The following LARP4 variants were observed in gnomAD, a reference collection of about 807,000 sequenced individuals.
LARP4 encodes the protein La ribonucleoprotein 4, also known as la-related protein 4.
In LARP4, 29 loss-of-function variants were observed where a neutral mutation model predicts 92.9. The ratio of observed to expected loss-of-function variants is 0.31; its 90% CI spans 0.23 to 0.43. The LOEUF (loss-of-function observed/expected upper bound fraction) is 0.43. LARP4 is among the 20% of genes least tolerant of loss of function. The pLI, the probability that LARP4 is intolerant of heterozygous loss-of-function variation, is 1.00. For synonymous variants in LARP4, 279 were observed against 284.1 expected (o/e 0.98, Z 0.18); for missense variants, 732 against 860.0 (o/e 0.85, Z 1.86).
In LARP4 at chr12:50,474,096, A is replaced by G; in HGVS notation, c.1765A>G (p.Lys589Glu). Residue 589 changes from lysine (K) to glutamate (E), a missense_variant, in exon 15 of 16, where the codon AAG becomes GAG. Lys to Glu is a moderately conservative substitution (Grantham distance 56, BLOSUM62 1). Coordinates refer to ENST00000398473, the MANE Select transcript of LARP4 (RefSeq NM_052879.5). ...TIPVSPPSTT[K>E]PSRASTASPC... ...ACCAGTTTCTCCTCCAAGTACTACAAAGCCATCGAGGGCAAGTACTGCTTC... is the reference window on the plus strand; with the variant it reads ...ACCAGTTTCTCCTCCAAGTACTACAGAGCCATCGAGGGCAAGTACTGCTTC... 6.2e-7 allele frequency: 1 copy of G among 1,613,272 alleles called. No individual in the cohort carries two copies. The highest frequency in any genetic ancestry group is 8.5e-7 in the Non-Finnish European group (1 of 1,179,756).
chr12:50,454,447 T>G (rs1458502444), intron 10 of LARP4, 30 bp downstream of exon 10: 2 of 1,490,900 alleles, frequency 1.3e-6, no homozygotes, highest in Admixed American at 1.8e-5. Flanking sequence ...TGTAATGTAT[T>G]TTAAACAATT....
chr12:50,442,139 A>G (rs574533316), intron 8 of LARP4, among the ~76,000 whole-genome samples: 46 of 152,208 alleles, frequency 3.0e-4, no homozygotes, highest in African/African-American at 7.5e-4. Flanking sequence ...GTGTACAGCA[A>G]TTCTTTACAA....
chr12:50,449,047 A>G (rs1593220716), intron 8 of LARP4, among the ~76,000 whole-genome samples: 1 of 151,682 alleles, frequency 6.6e-6, no homozygotes, highest in Admixed American at 6.6e-5. Flanking sequence ...CCAGACCAGC[A>G]TGGCCAACAT....
chr12:50,419,617 C>T (rs931562073), intron 1 of LARP4, among the ~76,000 whole-genome samples: 2 of 152,076 alleles, frequency 1.3e-5, no homozygotes, highest in Non-Finnish European at 2.9e-5. Flanking sequence ...CCTTAAGAAG[C>T]CCATTTAGGC....
chr12:50,457,427 G>A (rs971805336), intron 10 of LARP4, among the ~76,000 whole-genome samples: 7 of 151,960 alleles, frequency 4.6e-5, no homozygotes, highest in Non-Finnish European at 8.8e-5. Context: ...GGCTGGTCTC[G>A]AACTCCTGAC....
chr12:50,423,380 T>C (rs1330124159), intron 1 of LARP4, among the ~76,000 whole-genome samples: 1 of 152,214 alleles, frequency 6.6e-6, no homozygotes, highest in Non-Finnish European at 1.5e-5. Context: ...GTTTGTGTAG[T>C]ATACTTTTGA....
chr12:50,425,480 G>A (rs755539118), intron 1 of LARP4, among the ~76,000 whole-genome samples: 9 of 152,142 alleles, frequency 5.9e-5, no homozygotes, highest in African/African-American at 1.2e-4. Flanking sequence ...ATTGAAAAAT[G>A]CTTAATGTCA....
rs1298264595 is a variant in LARP4 at position 50,477,269 on chromosome 12, T to C, written c.*1405T>C. The C allele has an allele frequency of 6.6e-6, 1 of 152,428 alleles. No individual in the cohort carries two copies. Among genetic ancestry groups the C allele is most frequent in the African/African-American group, 2.4e-5 (1 of 41,456 alleles). The allele number at this position is 152,428 out of a possible 1,614,324, so 9.4% of individuals were successfully genotyped here. A position where few individuals can be genotyped will look rare whatever the true frequency, so the allele number is the denominator to read the frequency against. ...ATAGACAAGTTTACATGCTGTTATT[T>C]AGAAAATGACTAAAATATTAAAAAC... On this transcript the variant is annotated 3_prime_UTR_variant, in exon 16 of 16. Coordinates refer to ENST00000398473, the MANE Select transcript of LARP4 (RefSeq NM_052879.5).
chr12:50,440,910 G>C (rs1274624452), intron 7 of LARP4, among the ~76,000 whole-genome samples: 3 of 149,944 alleles, frequency 2.0e-5, no homozygotes, highest in African/African-American at 7.4e-5. Context: ...TTGAGACGGA[G>C]TCTCACTCTG....
chr12:50,466,824 A>G (rs1956212641), intron 12 of LARP4, 135 bp from the exon 13 acceptor site: 3 of 704,790 alleles, frequency 4.3e-6, no homozygotes. Flanking sequence ...CCAAGAATTT[A>G]TGTAGGGATA....
intron 1 of LARP4, among the ~76,000 whole-genome samples, chr12:50,401,468 A>T (rs1943830499): frequency 6.6e-6 from 1 of 152,194 alleles, no homozygotes. Flanking sequence ...GGATGGAGAA[A>T]GGTGAAATGC....
chr12:50,408,797 A>G (rs762058951), intron 1 of LARP4, among the ~76,000 whole-genome samples: 3 of 152,122 alleles, frequency 2.0e-5, no homozygotes, highest in Non-Finnish European at 4.4e-5. Context: ...TTCCTGCTAT[A>G]CTAACAAAGT....
rs1263195322 is a variant in LARP4 at position 50,473,541 on chromosome 12, A to G, written c.1667+5A>G. On this transcript the variant is annotated splice_donor_5th_base_variant and intron_variant, in intron 14 of 15. Transcript: ENST00000398473. ...TGCTGAGCTTACTGCATTAAGGTACAAGTTATAGTATAGAAGATCTTCAAC... is the reference window on the plus strand; with the variant it reads ...TGCTGAGCTTACTGCATTAAGGTACGAGTTATAGTATAGAAGATCTTCAAC... 2 of 1,612,490 alleles carry G rather than the reference A, an allele frequency of 1.2e-6. No individual in the cohort carries two copies. Among genetic ancestry groups the G allele is most frequent in the South Asian group, 2.2e-5 (2 of 91,026 alleles).
chr12:50,423,610 G>T (rs1297403369), intron 1 of LARP4, among the ~76,000 whole-genome samples: 1 of 151,546 alleles, frequency 6.6e-6, no homozygotes, highest in African/African-American at 2.4e-5. Flanking sequence ...CACCACGCCC[G>T]GCTAATGTTT....
chr12:50,472,262 A>C (rs1364329117), intron 13 of LARP4, among the ~76,000 whole-genome samples: 1 of 152,180 alleles, frequency 6.6e-6, no homozygotes, highest in East Asian at 1.9e-4. Flanking sequence ...ATGGTTGTGC[A>C]CCTAAGCTCC....
At chr12:50,421,034 C>G (rs1388037562) in intron 1 of LARP4, 1 of 137,048 alleles carries the variant, frequency 7.3e-6, no homozygotes, top group African/African-American at 2.6e-5. Context: ...ACTGCAACCT[C>G]CACCTCCTGG....
chr12:50,430,746 C>T (rs950039420), intron 4 of LARP4, among the ~76,000 whole-genome samples, 176 bp downstream of exon 4: 5 of 151,348 alleles, frequency 3.3e-5, no homozygotes, highest in African/African-American at 7.3e-5. Flanking sequence ...CAGCAGCCTC[C>T]GCCTCCAGGG....
intron 8 of LARP4, among the ~76,000 whole-genome samples, chr12:50,443,164 T>C (rs1951488590): frequency 6.6e-6 from 1 of 152,250 alleles, no homozygotes; most frequent in South Asian, 2.1e-4. Context: ...CTTAATTTTT[T>C]GTCATTTCTA....
chr12:50,454,213 C>T, intron 9 of LARP4, 101 bp from the exon 10 acceptor site: 1 of 758,066 alleles, frequency 1.3e-6, no homozygotes, highest in South Asian at 2.0e-5. Flanking sequence ...ATATTTTTGG[C>T]TTGTAAAAGA....
Sources: gnomAD v4.1 joint callset for allele counts (sites outside exome capture counted in the v4.1 genomes callset) on GRCh38, gnomAD v4.1.1 for gene constraint, MANE v1.5 for transcripts, NCBI Gene and HGNC (gene_info 2026-07-23, HGNC 2026-07-21) for gene names.